The following TCF7L1 variants were observed in gnomAD, a reference collection of about 807,000 sequenced individuals.
TCF7L1 encodes transcription factor 7 like 1.
TCF7L1 carries 18 observed loss-of-function variants against 63.7 expected under a neutral mutation model. The ratio of observed to expected loss-of-function variants is 0.28; its 90% confidence interval spans 0.20 to 0.42. The LOEUF is 0.42. Among genes scored for constraint, TCF7L1 ranks in the 10% least tolerant of loss-of-function variants. The probability of loss-of-function intolerance (pLI) is 1.00; values close to 1 mark genes in which losing one functional copy is unlikely to be tolerated. For missense variants in TCF7L1, 654 were observed against 779.3 expected, an observed-to-expected ratio of 0.84 and a Z score of 1.91; for synonymous variants, 355 against 340.9, an observed-to-expected ratio of 1.04 and a Z score of -0.46.
chr2:85,183,949 A>G (rs1461085899), intron 3 of TCF7L1, among the ~76,000 whole-genome samples: 1 of 152,168 alleles, frequency 6.6e-6, no homozygotes, highest in Non-Finnish European at 1.5e-5. Flanking sequence ...AGAAGAGGGA[A>G]AGTCAAGGGG....
At chr2:85,308,659 C>T (rs1384230435) in intron 11 of TCF7L1, among the ~76,000 whole-genome samples, 1 of 151,924 alleles carries the variant, frequency 6.6e-6, no homozygotes, top group African/African-American at 2.4e-5. Flanking sequence ...CGCTGTCTGG[C>T]ACGCTGTTCA....
At position 85,134,342 on chromosome 2, in the gene TCF7L1, C is replaced by G. The variant is rs1464480929; in HGVS notation, c.333C>G (p.Ser111Arg). The change falls in exon 3 of 12, where the codon AGC becomes AGG. Residue 111 changes from serine (S) to arginine (R), a missense_variant. Transcript: ENST00000282111. This position sits in a 1 kb window ranked among gnomAD's most constrained non-coding sequence, Gnocchi z 5.0. ...YFAEVRRPQDSAFFKGPPYPG... is the reference protein window; with the variant it reads ...YFAEVRRPQDRAFFKGPPYPG... ...TCGCAGTGAGAAGGCCTCAGGACAG[C>G]GCGTTCTTTAAAGGACCCCCGTACC... 4 of 1,584,808 alleles carry G rather than the reference C, an allele frequency of 2.5e-6. No individual in the cohort carries two copies. Among genetic ancestry groups the G allele is most frequent in the Non-Finnish European group, 3.4e-6 (4 of 1,164,796 alleles).
At chr2:85,201,367 T>C (rs1679269297) in intron 3 of TCF7L1, among the ~76,000 whole-genome samples, 1 of 152,228 alleles carries the variant, frequency 6.6e-6, no homozygotes, top group South Asian at 2.1e-4. Context: ...TAAATTTTAA[T>C]GTTTTATGAT....
In TCF7L1 at chr2:85,194,175, G is replaced by A. The variant is rs556856208; in HGVS notation, c.441+59725G>A. Among the ~76,000 whole-genome samples the A allele has an allele frequency of 1.2e-4, 19 of 152,180 alleles. No individual in the cohort carries two copies. In the South Asian group the frequency reaches 3.5e-3, roughly 28 times the overall value. On this transcript the variant is annotated intron_variant, in intron 3 of 11. Coordinates refer to ENST00000282111, the MANE Select transcript of TCF7L1 (RefSeq NM_031283.3). ...CCCCCAAACAGAGCACCTTCCCACC[G>A]AAACAGGAGGGATTACCTTCGGGAA...
chr2:85,149,548 T>TA (rs1000629723), intron 3 of TCF7L1, among the ~76,000 whole-genome samples: 2 of 152,056 alleles, frequency 1.3e-5, no homozygotes, highest in African/African-American at 4.8e-5. Context: ...TTTTTTGAGA[T>TA]AGAGTCTGGC....
intron 3 of TCF7L1, among the ~76,000 whole-genome samples, chr2:85,173,355 G>A (rs1449310447): frequency 1.3e-5 from 2 of 152,128 alleles, no homozygotes; most frequent in East Asian, 1.9e-4. Context: ...CAGCAGGTAG[G>A]TGTTGGCCCA....
intron 3 of TCF7L1, among the ~76,000 whole-genome samples, chr2:85,165,067 G>A (rs1031586229): frequency 1.3e-5 from 2 of 152,206 alleles, no homozygotes; most frequent in African/African-American, 4.8e-5. Flanking sequence ...GGAGGCCTCT[G>A]TGGGCTTCCC....
intron 4 of TCF7L1, among the ~76,000 whole-genome samples, chr2:85,298,909 A>G (rs527719896): frequency 1.3e-5 from 2 of 151,992 alleles, no homozygotes; most frequent in Non-Finnish European, 2.9e-5. Flanking sequence ...GGAGGCCACT[A>G]TCTACTTACC....
intron 3 of TCF7L1, among the ~76,000 whole-genome samples, chr2:85,237,690 T>C (rs2104319856): frequency 6.9e-6 from 1 of 145,600 alleles, no homozygotes; most frequent in Middle Eastern, 3.7e-3. Context: ...CATCTCTTCA[T>C]TCTGCAGCTG....
intron 3 of TCF7L1, among the ~76,000 whole-genome samples, chr2:85,154,916 A>G (rs1678110642): frequency 6.6e-6 from 1 of 152,066 alleles, no homozygotes. Flanking sequence ...TCCCGGGTTC[A>G]AGCAACTCTC....
intron 3 of TCF7L1, among the ~76,000 whole-genome samples, chr2:85,135,708 G>A (rs1007633624): frequency 1.3e-5 from 2 of 151,860 alleles, no homozygotes; most frequent in African/African-American, 4.8e-5. Context: ...GACGGGGGGC[G>A]GTGGAAGAGA....
intron 3 of TCF7L1, among the ~76,000 whole-genome samples, chr2:85,226,972 C>T (rs550597024): frequency 3.7e-4 from 56 of 152,106 alleles, no homozygotes; most frequent in African/African-American, 1.2e-3. Context: ...CAAATAGCAC[C>T]GCTGCCGCCG....
intron 3 of TCF7L1, among the ~76,000 whole-genome samples, chr2:85,267,825 C>T (rs1040455057): frequency 3.3e-5 from 5 of 152,114 alleles, no homozygotes; most frequent in African/African-American, 1.2e-4. Flanking sequence ...CAAGGTAACG[C>T]ATCACTAAAT....
chr2:85,202,080 A>G (rs907819130), intron 3 of TCF7L1, among the ~76,000 whole-genome samples: 3 of 152,070 alleles, frequency 2.0e-5, no homozygotes, highest in Non-Finnish European at 4.4e-5. Context: ...CTCCTGCCTT[A>G]GCCTTCTGAG....
At chr2:85,255,973 C>T (rs1680707059) in intron 3 of TCF7L1, among the ~76,000 whole-genome samples, 1 of 152,186 alleles carries the variant, frequency 6.6e-6, no homozygotes, top group Admixed American at 6.5e-5. Context: ...TGTTAATCTG[C>T]AGCCCCTGAG....
chr2:85,222,065 G>T lies in TCF7L1; in HGVS notation c.442-61430G>T, dbSNP rs183187332. On this transcript the variant is annotated intron_variant, in intron 3 of 11. Transcript: ENST00000282111. ...GGCTATAAAAGACTAAAGGTGGCCA[G>T]ATGCGGTGGCTCATGCCTATAATCC... Among the ~76,000 whole-genome samples, 32 of 152,322 alleles carry T rather than the reference G, an allele frequency of 2.1e-4. No homozygotes were observed. The East Asian group carries it at 5.8e-3, about 28-fold the overall frequency.
At chr2:85,194,961 A>G (rs544274090) in intron 3 of TCF7L1, among the ~76,000 whole-genome samples, 2 of 152,378 alleles carry the variant, frequency 1.3e-5, no homozygotes, top group South Asian at 4.1e-4. Context: ...GGAATACATC[A>G]GAGGCCTCTT....
intron 3 of TCF7L1, among the ~76,000 whole-genome samples, chr2:85,160,516 C>T (rs893392051): frequency 3.3e-5 from 5 of 152,100 alleles, no homozygotes; most frequent in African/African-American, 9.7e-5. Flanking sequence ...TGAGCTACTG[C>T]GCTCGGCCTT....
At chr2:85,223,999 C>T (rs938975593) in intron 3 of TCF7L1, among the ~76,000 whole-genome samples, 2 of 152,182 alleles carry the variant, frequency 1.3e-5, no homozygotes, top group Non-Finnish European at 2.9e-5. Flanking sequence ...CATGTGTTCT[C>T]ATTGTTCAAC....
Sources: gnomAD v4.1 joint callset for allele counts (sites outside exome capture counted in the v4.1 genomes callset) on GRCh38, gnomAD v4.1.1 for gene constraint, Gnocchi (gnomAD v3.1) non-coding constraint, MANE v1.5 for transcripts, NCBI Gene and HGNC (gene_info 2026-07-23, HGNC 2026-07-21) for gene names.